COL27A1: variants seen among roughly 807,000 people sequenced by gnomAD.
The protein encoded by COL27A1 is collagen alpha-1(XXVII) chain.
Under a neutral mutation model 251.3 loss-of-function variants are expected in COL27A1, and 106 were observed. That is an observed-to-expected ratio of 0.42 (90% CI 0.36 to 0.50). The LOEUF (loss-of-function observed/expected upper bound fraction) is 0.50. Ranked by LOEUF, COL27A1 falls within the 20% of genes least tolerant of loss-of-function variation. The pLI, the probability that COL27A1 is intolerant of heterozygous loss-of-function variation, is 0.00. For missense variants in COL27A1, 2,325 were observed against 2,522.8 expected (o/e 0.92, Z 1.68); for synonymous variants, 1,000 against 986.3 (o/e 1.01, Z -0.26).
intron 5 of COL27A1, among the ~76,000 whole-genome samples, chr9:114,185,572 GA>G (rs1828273986): frequency 6.6e-6 from 1 of 152,222 alleles, no homozygotes; most frequent in Admixed American, 6.5e-5. Context: ...GAATGGGTGG[GA>G]CCCTGGGAAG....
At chr9:114,164,721 T>C (rs1222172510) in intron 2 of COL27A1, among the ~76,000 whole-genome samples, 3 of 152,180 alleles carry the variant, frequency 2.0e-5, no homozygotes, top group African/African-American at 7.2e-5. Context: ...TAGTGAATAA[T>C]AGTGAATAGT....
At chr9:114,173,144 G>A (rs914739576) in intron 3 of COL27A1, among the ~76,000 whole-genome samples, 1 of 151,470 alleles carries the variant, frequency 6.6e-6, no homozygotes, top group African/African-American at 2.5e-5. Flanking sequence ...CTTGGCCCTG[G>A]GTGAGTTGGG....
rs1363843943 is a variant in COL27A1 at position 114,178,288 on chromosome 9, C to T, written c.1909-3C>T. ...TAATGCTGTCTTCTTGTTTTCTCCTCAGGGTCCCCCTGGGCTACCTGGGCT... is the reference window on the plus strand; with the variant it reads ...TAATGCTGTCTTCTTGTTTTCTCCTTAGGGTCCCCCTGGGCTACCTGGGCT... On this transcript the variant is annotated splice_region_variant and splice_polypyrimidine_tract_variant and intron_variant, in intron 3 of 60. Coordinates refer to ENST00000356083, the MANE Select transcript of COL27A1 (RefSeq NM_032888.4). 3.1e-6 allele frequency: 5 copies of T among 1,613,814 alleles called. No individual in the cohort carries two copies. The Admixed American group carries it at 8.3e-5, about 27-fold the overall frequency.
chr9:114,248,926 C>A (rs758159931), intron 24 of COL27A1, among the ~76,000 whole-genome samples: 1 of 152,220 alleles, frequency 6.6e-6, no homozygotes, highest in Non-Finnish European at 1.5e-5. Context: ...TTGTGGGAAG[C>A]CCAGGCCTCT....
chr9:114,201,507 TG>T (rs1205979035), intron 7 of COL27A1, among the ~76,000 whole-genome samples: 6 of 152,128 alleles, frequency 3.9e-5, no homozygotes, highest in African/African-American at 9.7e-5. Flanking sequence ...CAGGAGAAAC[TG>T]GGGTGTTCAC....
rs1280331514 is a variant in COL27A1 at position 114,168,866 on chromosome 9, G to A, written c.1311G>A (p.Pro437=). 3.7e-6 allele frequency: 6 copies of A among 1,613,610 alleles called. No homozygotes were observed. Among genetic ancestry groups the A allele is most frequent in the Admixed American group, 1.7e-5 (1 of 59,970 alleles). The change falls in exon 3 of 61, where the codon CCG becomes CCA. Residue 437 remains proline (P), a synonymous_variant. Transcript: ENST00000356083. ...QRNPGMPRPP[P]PSTRPLPPTT... is the part of the protein sequence containing the mutation. ...ACCCGGGAATGCCCAGGCCCCCACC[G>A]CCCAGCACCCGGCCCCTACCTCCTA...
chr9:114,185,471 G>T (rs1428684448), intron 5 of COL27A1, among the ~76,000 whole-genome samples: 1 of 152,220 alleles, frequency 6.6e-6, no homozygotes, highest in Non-Finnish European at 1.5e-5. Context: ...GCTGATCTGT[G>T]GCATGGGCAG....
intron 28 of COL27A1, among the ~76,000 whole-genome samples, chr9:114,258,874 T>C (rs756966041): frequency 3.3e-5 from 5 of 152,224 alleles, no homozygotes; most frequent in Non-Finnish European, 7.3e-5. Context: ...CCAGCACTTA[T>C]TTAGCACCTA....
At chr9:114,259,771 T>C (rs1461172040) in intron 28 of COL27A1, among the ~76,000 whole-genome samples, 1 of 152,108 alleles carries the variant, frequency 6.6e-6, no homozygotes, top group African/African-American at 2.4e-5. Context: ...GCAGCCTTAT[T>C]GTAAAGAGAA....
intron 25 of COL27A1, among the ~76,000 whole-genome samples, chr9:114,251,303 AGAGG>A (rs1359017255): frequency 2.6e-5 from 4 of 152,058 alleles, no homozygotes; most frequent in African/African-American, 9.7e-5. Flanking sequence ...ACTGAGGTCC[AGAGG>A]GAGGAAGTAT....
In COL27A1 at chr9:114,282,326, C is replaced by A. The variant is rs1486695620; in HGVS notation, c.3767C>A (p.Ala1256Asp). ...GKQGEKGRTGAKGAKGYQGQL... is the reference protein window; with the variant it reads ...GKQGEKGRTGDKGAKGYQGQL... ...CAAGGCGAGAAGGGCCGCACTGGAG[C>A]CAAGGTAGGTGTCCCCTTCTGACTT... Residue 1256 changes from alanine (A) to aspartate (D), a missense_variant, in exon 38 of 61, where the codon GCC (alanine) becomes GAC (aspartate). Around this residue, in one of 4 missense-constraint regions of COL27A1, gnomAD observed 662 missense variants for 795.3 expected, o/e 0.83. Coordinates refer to ENST00000356083, the MANE Select transcript of COL27A1 (RefSeq NM_032888.4). 1 of 1,614,054 alleles carries A rather than the reference C, an allele frequency of 6.2e-7. No homozygotes were observed. Among genetic ancestry groups the A allele is most frequent in the East Asian group, 2.2e-5 (1 of 44,880 alleles).
chr9:114,243,426 G>A, intron 22 of COL27A1, 81 bp from the exon 23 acceptor site: 1 of 1,163,376 alleles, frequency 8.6e-7, no homozygotes, highest in Non-Finnish European at 1.3e-6. Flanking sequence ...TGGATACCCT[G>A]TGCCAGGCCC....
intron 11 of COL27A1, 56 bp downstream of exon 11, chr9:114,209,784 C>A: frequency 1.3e-6 from 2 of 1,527,508 alleles, no homozygotes; most frequent in Non-Finnish European, 1.8e-6. Flanking sequence ...CCAAACAGAG[C>A]AGAACCTGCC....
At chr9:114,207,969 T>C (rs533440403) in intron 10 of COL27A1, among the ~76,000 whole-genome samples, 5 of 152,134 alleles carry the variant, frequency 3.3e-5, no homozygotes, top group Non-Finnish European at 5.9e-5. Context: ...TGAGCCTCCA[T>C]TGGTTGCTTG....
At chr9:114,206,678 G>T (rs1248187845) in intron 10 of COL27A1, among the ~76,000 whole-genome samples, 1 of 152,172 alleles carries the variant, frequency 6.6e-6, no homozygotes, top group Non-Finnish European at 1.5e-5. Context: ...AATGAGGGCT[G>T]GGGGGAACCA....
rs1588763059 is a variant in COL27A1 at position 114,248,729 on chromosome 9, A to T, written c.2980-1886A>T. Among the ~76,000 whole-genome samples, 4 of 152,216 alleles carry T rather than the reference A, an allele frequency of 2.6e-5. No homozygotes were observed. In the Middle Eastern group the frequency reaches 0.014, roughly 518 times the overall value. ...ATGGGGCACTTGCTGTATGGCTCTTATTCATTAGGATCTTGTTTGGTTTCT... is the reference window on the plus strand; with the variant it reads ...ATGGGGCACTTGCTGTATGGCTCTTTTTCATTAGGATCTTGTTTGGTTTCT... On this transcript the variant is annotated intron_variant, in intron 24 of 60. Transcript: ENST00000356083.
At chr9:114,201,276 CT>C (rs1829557173) in intron 7 of COL27A1, among the ~76,000 whole-genome samples, 2 of 152,266 alleles carry the variant, frequency 1.3e-5, no homozygotes, top group Non-Finnish European at 2.9e-5. Context: ...TGGAAAGTCA[CT>C]GCCCACGGGC....
intron 3 of COL27A1, among the ~76,000 whole-genome samples, chr9:114,176,203 G>T (rs979592601): frequency 6.6e-6 from 1 of 152,140 alleles, no homozygotes. Flanking sequence ...AGTATGCTTC[G>T]TCTCAGCCCC....
At chr9:114,205,170 G>T (rs1225919919) in intron 8 of COL27A1, 24 bp downstream of exon 8, 1 of 1,608,978 alleles carries the variant, frequency 6.2e-7, no homozygotes, top group Non-Finnish European at 8.5e-7. Flanking sequence ...CCTCAGCCCT[G>T]CCCTGGTCGC....
Sources: allele counts gnomAD v4.1 joint callset (sites outside exome capture counted in the v4.1 genomes callset), GRCh38; gene constraint gnomAD v4.1.1; regional missense constraint gnomAD v4.1.1; transcripts MANE v1.5; gene names NCBI Gene and HGNC (gene_info 2026-07-23, HGNC 2026-07-21).